The following GJC1 variants were observed in gnomAD, a reference collection of about 807,000 sequenced individuals.
GJC1 encodes the protein gap junction protein gamma 1, also known as gap junction gamma-1 protein.
In GJC1, 5 loss-of-function variants were observed where a neutral mutation model predicts 29.3. That is an observed-to-expected ratio of 0.17 (90% confidence interval 0.09 to 0.36). The LOEUF (loss-of-function observed/expected upper bound fraction) is 0.36, where lower values mean the gene tolerates loss of function less well. GJC1 is among the 10% of genes least tolerant of loss of function. GJC1 has a pLI of 1.00. For missense variants in GJC1, 310 were observed against 496.2 expected (o/e 0.62, Z 3.56); for synonymous variants, 177 against 183.3 (o/e 0.97, Z 0.28).
downstream of GJC1, among the ~76,000 whole-genome samples, chr17:44,798,013 G>A (rs557965214): frequency 1.6e-4 from 24 of 152,260 alleles, 1 homozygote; most frequent in South Asian, 3.7e-3. Context: ...CTCTGCTGCC[G>A]CAAAGGGTCC....
intron 1 of GJC1, among the ~76,000 whole-genome samples, chr17:44,819,353 C>CAT (rs2050079822): frequency 6.6e-6 from 1 of 152,084 alleles, no homozygotes; most frequent in Non-Finnish European, 1.5e-5. Context: ...CACGTTATAC[C>CAT]ATGTGTCAGA....
At chr17:44,814,889 A>G (rs2050025130) in intron 1 of GJC1, among the ~76,000 whole-genome samples, 1 of 151,864 alleles carries the variant, frequency 6.6e-6, no homozygotes. Context: ...TTGCAGTGAG[A>G]CGAGAAGGCA....
At chr17:44,824,414 T>C (rs1307357559) in intron 1 of GJC1, among the ~76,000 whole-genome samples, 1 of 152,072 alleles carries the variant, frequency 6.6e-6, no homozygotes, top group South Asian at 2.1e-4. Flanking sequence ...TCCTCCTGCC[T>C]CATCCTCCTG....
chr17:44,830,999 G>C (rs1472248187), upstream of GJC1, among the ~76,000 whole-genome samples: 3 of 152,218 alleles, frequency 2.0e-5, no homozygotes, highest in African/African-American at 7.2e-5. The surrounding 1 kb of genome is among the most constrained non-coding windows in gnomAD (Gnocchi z 4.3). Flanking sequence ...TTTAAGTAGA[G>C]TAAGACTTTG....
At position 44,803,156 on chromosome 17, in the gene GJC1, T is replaced by C. The variant is rs975140683; in HGVS notation, c.*1471A>G. 3 of 152,176 alleles carry C rather than the reference T, an allele frequency of 2.0e-5. No individual in the cohort carries two copies. The highest frequency in any genetic ancestry group is 2.9e-5 in the Non-Finnish European group (2 of 68,034). The allele number at this position is 152,176 out of a possible 1,614,324, so 9.4% of individuals were successfully genotyped here. ...TAAGATATAAAAAATATTCATACTT[T>C]CAGAATTTCCAAGTCAGAGGTGGCT... On this transcript the variant is annotated 3_prime_UTR_variant, in exon 3 of 3. Coordinates refer to ENST00000592524, the MANE Select transcript of GJC1 (RefSeq NM_005497.4).
chr17:44,796,609 CA>C (rs2049784742), downstream of GJC1, among the ~76,000 whole-genome samples: 1 of 152,146 alleles, frequency 6.6e-6, no homozygotes. Context: ...CTATAATGTA[CA>C]TAAGAATCAC....
chr17:44,827,654 C>T (rs567603423), intron 1 of GJC1, among the ~76,000 whole-genome samples: 21 of 151,944 alleles, frequency 1.4e-4, no homozygotes, highest in East Asian at 1.2e-3. Context: ...AAAGGATGGC[C>T]GGGCACGGTG....
chr17:44,814,626 A>C (rs543060371), intron 1 of GJC1, among the ~76,000 whole-genome samples: 10 of 152,234 alleles, frequency 6.6e-5, no homozygotes, highest in Admixed American at 5.9e-4. Flanking sequence ...GGTCTACATA[A>C]GGGACCTGAA....
At chr17:44,816,842 A>G (rs754320052) in intron 1 of GJC1, among the ~76,000 whole-genome samples, 2 of 152,132 alleles carry the variant, frequency 1.3e-5, no homozygotes, top group African/African-American at 2.4e-5. Flanking sequence ...TGTAATGAAC[A>G]TTATTTGAAT....
At chr17:44,825,373 C>T (rs557337973) in intron 1 of GJC1, among the ~76,000 whole-genome samples, 2 of 152,034 alleles carry the variant, frequency 1.3e-5, no homozygotes, top group South Asian at 4.1e-4. Context: ...GCCTGTAATC[C>T]CAGCTACTTG....
intron 1 of GJC1, among the ~76,000 whole-genome samples, chr17:44,814,780 T>A (rs192307319): frequency 0.033 from 4,970 of 152,070 alleles, 166 homozygotes; most frequent in African/African-American, 0.068. Flanking sequence ...CCATCTCTAC[T>A]AAAAATACAA....
At chr17:44,821,088 T>C (rs1474026143) in intron 1 of GJC1, among the ~76,000 whole-genome samples, 2 of 152,166 alleles carry the variant, frequency 1.3e-5, no homozygotes, top group African/African-American at 2.4e-5. Context: ...AAAGCACCAT[T>C]GTGGGTTGAA....
Position 44,804,906 on chromosome 17 carries a change from C to A in GJC1, c.912G>T (p.Leu304=). ...GCTTGTAGGCGATCTTAGCATTGGA[C>A]AGTTCGGTGTACTGGATTTGATCTG... The part of the protein sequence containing the change: ...VKPDQIQYTE[L]SNAKIAYKQN... The change falls in exon 3 of 3, where the codon CTG becomes CTT. Residue 304 remains leucine (L), a synonymous_variant. Transcript: ENST00000592524. 1.9e-6 allele frequency: 3 copies of A among 1,614,192 alleles called. No homozygotes were observed. Among genetic ancestry groups the A allele is most frequent in the Non-Finnish European group, 2.5e-6 (3 of 1,180,036 alleles).
intron 1 of GJC1, among the ~76,000 whole-genome samples, chr17:44,818,336 T>C (rs1483137358): frequency 6.6e-6 from 1 of 152,148 alleles, no homozygotes; most frequent in Non-Finnish European, 1.5e-5. Flanking sequence ...CAGAACAAGC[T>C]TTCTTGGTAG....
intron 1 of GJC1, among the ~76,000 whole-genome samples, chr17:44,820,450 A>C (rs1055633816): frequency 6.6e-6 from 1 of 152,218 alleles, no homozygotes; most frequent in Non-Finnish European, 1.5e-5. Context: ...ACATTTGATG[A>C]AAACTATCTC....
chr17:44,797,063 T>C (rs2049788112), downstream of GJC1, among the ~76,000 whole-genome samples: 1 of 152,146 alleles, frequency 6.6e-6, no homozygotes, highest in Non-Finnish European at 1.5e-5. Context: ...TTGCCCAGAC[T>C]AGGAATCTAT....
At chr17:44,821,006 G>C (rs1284126406) in intron 1 of GJC1, among the ~76,000 whole-genome samples, 1 of 152,130 alleles carries the variant, frequency 6.6e-6, no homozygotes, top group Admixed American at 6.6e-5. Context: ...AATTTGTGGC[G>C]AATCAAATTA....
At chr17:44,797,296 TG>T (rs2049789920), downstream of GJC1, among the ~76,000 whole-genome samples, 1 of 152,026 alleles carries the variant, frequency 6.6e-6, no homozygotes, top group South Asian at 2.1e-4. Context: ...TTAGTAGAGA[TG>T]GGGTTTCACC....
intron 1 of GJC1, among the ~76,000 whole-genome samples, chr17:44,811,134 T>A (rs750078657): frequency 6.6e-6 from 1 of 151,230 alleles, no homozygotes; most frequent in African/African-American, 2.4e-5. Flanking sequence ...CTGGAGGGAG[T>A]GCAATGGCAC....
Sources: allele counts gnomAD v4.1 joint callset (sites outside exome capture counted in the v4.1 genomes callset), GRCh38; gene constraint gnomAD v4.1.1; non-coding constraint Gnocchi (gnomAD v3.1); transcripts MANE v1.5; gene names NCBI Gene and HGNC (gene_info 2026-07-23, HGNC 2026-07-21).